CPLX1: variants seen among roughly 807,000 people sequenced by gnomAD.
CPLX1 encodes the protein complexin-1.
Under a neutral mutation model 15.6 loss-of-function variants are expected in CPLX1, and 6 were observed. That is an observed-to-expected ratio of 0.39 (90% CI 0.21 to 0.76). CPLX1 has a LOEUF of 0.76. Ranked by LOEUF, CPLX1 falls within the 30% of genes least tolerant of loss-of-function variation. CPLX1 has a pLI of 0.43. For missense variants in CPLX1, 242 were observed against 188.6 expected, an observed-to-expected ratio of 1.28 and a Z score of -1.66; for synonymous variants, 91 against 75.2, an observed-to-expected ratio of 1.21 and a Z score of -1.08.
Position 792,517 on chromosome 4 carries a change from C to T in CPLX1, c.123G>A (p.Leu41=), listed in dbSNP as rs1433477395. 2 of 1,613,150 alleles carry T rather than the reference C, an allele frequency of 1.2e-6. No homozygotes were observed. The highest frequency in any genetic ancestry group is 1.3e-5 in the African/African-American group (1 of 74,936). ...AKKEEERQEA[L]RQAEEERKAK... The stretch of plus-strand genomic sequence containing the variant: ...CCTTGCGCTCCTCCTCCGCCTGGCG[C>T]AGCGCCTCCTGCCGCTCCTCCTCCT... The change falls in exon 3 of 4, where the codon CTG becomes CTA. Residue 41 remains leucine (L), a synonymous_variant. Transcript: ENST00000304062.
intron 1 of CPLX1, 96 bp from the exon 2 acceptor site, chr4:824,697 C>T: frequency 1.3e-6 from 1 of 744,730 alleles, no homozygotes; most frequent in Non-Finnish European, 2.4e-6. Context: ...ACCTTGTGGG[C>T]TGGACCCTCC....
intron 1 of CPLX1, among the ~76,000 whole-genome samples, chr4:825,296 T>G (rs1324002369): frequency 1.3e-5 from 2 of 152,050 alleles, no homozygotes; most frequent in African/African-American, 4.8e-5. Context: ...GCCCCCCGGT[T>G]TTGCGGGGTC....
intron 3 of CPLX1, among the ~76,000 whole-genome samples, chr4:791,864 G>T (rs758642256): frequency 9.3e-4 from 142 of 152,300 alleles, no homozygotes; most frequent in Non-Finnish European, 1.6e-3. Context: ...GTGCCCACCC[G>T]GCTTCCAGCC....
intron 2 of CPLX1, among the ~76,000 whole-genome samples, chr4:799,638 G>A (rs1369158289): frequency 2.0e-5 from 3 of 152,096 alleles, no homozygotes; most frequent in African/African-American, 4.8e-5. Flanking sequence ...CGAGATGGGC[G>A]GATCACCTGA....
intron 2 of CPLX1, among the ~76,000 whole-genome samples, chr4:821,972 C>T (rs140734551): frequency 0.011 from 1,647 of 152,344 alleles, 30 homozygotes; most frequent in Non-Finnish European, 0.014. Flanking sequence ...CCTCTTCCTC[C>T]TCTCTGCTGC....
intron 3 of CPLX1, among the ~76,000 whole-genome samples, chr4:789,616 C>A (rs1257068123): frequency 1.3e-5 from 2 of 152,176 alleles, no homozygotes; most frequent in Non-Finnish European, 2.9e-5. Flanking sequence ...GAAGCTTATG[C>A]AGGACAAGGG....
chr4:813,149 C>G (rs1323397853), intron 2 of CPLX1, among the ~76,000 whole-genome samples: 1 of 151,702 alleles, frequency 6.6e-6, no homozygotes, highest in African/African-American at 2.4e-5. Flanking sequence ...CCTGTAGTCC[C>G]AGCTACTTGG....
chr4:786,684 C>G lies in CPLX1; in HGVS notation c.222G>C (p.Lys74Asn). 1 of 1,608,192 alleles carries G rather than the reference C, an allele frequency of 6.2e-7. No individual in the cohort carries two copies. Among genetic ancestry groups the G allele is most frequent in the Non-Finnish European group, 8.5e-7 (1 of 1,177,120 alleles). The part of the protein sequence containing the change: ...QGIRDKYGIK[K>N]KEEREAEAQA... Reference sequence around the variant, plus strand: ...GGGCCTCGGCCTCGCGCTCCTCCTTCTTCTTGATGCCGTACTGCGGGGGAG... The same window carrying G: ...GGGCCTCGGCCTCGCGCTCCTCCTTGTTCTTGATGCCGTACTGCGGGGGAG... The change falls in exon 4 of 4, where the codon AAG becomes AAC. Residue 74 changes from lysine (K) to asparagine (N), a missense_variant. Coordinates refer to ENST00000304062, the MANE Select transcript of CPLX1 (RefSeq NM_006651.4).
chr4:792,531 G>C lies in CPLX1; in HGVS notation c.109C>G (p.Arg37Gly). Residue 37 changes from arginine to glycine, a missense_variant, in exon 3 of 4, where the codon CGG (arginine) becomes GGG (glycine). Arg to Gly is a moderately radical substitution (Grantham distance 125). Transcript: ENST00000304062. ...TCCGCCTGGCGCAGCGCCTCCTGCC[G>C]CTCCTCCTCCTTCTTGGCGGCGTCT... ...DPDAAKKEEERQEALRQAEEE... is the reference protein window; with the variant it reads ...DPDAAKKEEEGQEALRQAEEE... 1 of 1,613,370 alleles carries C rather than the reference G, an allele frequency of 6.2e-7. No homozygotes were observed. Among genetic ancestry groups the C allele is most frequent in the Non-Finnish European group, 8.5e-7 (1 of 1,179,716 alleles).
intron 2 of CPLX1, among the ~76,000 whole-genome samples, chr4:812,684 G>A (rs1746685508): frequency 2.0e-5 from 3 of 152,072 alleles, no homozygotes; most frequent in Non-Finnish European, 4.4e-5. Flanking sequence ...TATACTTAGG[G>A]GCCAGGCACG....
chr4:795,661 C>A (rs1746312345), intron 2 of CPLX1, among the ~76,000 whole-genome samples: 5 of 152,222 alleles, frequency 3.3e-5, no homozygotes, highest in South Asian at 4.1e-4. Context: ...GGGGGCGCAC[C>A]GGGCACGACC....
intron 2 of CPLX1, among the ~76,000 whole-genome samples, chr4:810,355 C>G (rs549006555): frequency 1.2e-4 from 18 of 152,274 alleles, no homozygotes; most frequent in African/African-American, 3.8e-4. Context: ...GGCCTTGGGT[C>G]TGCGCTTTCA....
intron 2 of CPLX1, among the ~76,000 whole-genome samples, chr4:802,950 C>CAAAA (rs34752621): frequency 1.0e-5 from 1 of 99,032 alleles, no homozygotes; most frequent in African/African-American, 3.1e-5. Context: ...GACTCTGTCT[C>CAAAA]AAAAAAAAAA....
intron 2 of CPLX1, among the ~76,000 whole-genome samples, chr4:809,029 G>C (rs1746609416): frequency 6.6e-6 from 1 of 152,270 alleles, no homozygotes; most frequent in South Asian, 2.1e-4. Flanking sequence ...CGGCAGGCCG[G>C]GCTCCAGCGA....
At chr4:825,874 G>T (rs865815029) in intron 1 of CPLX1, among the ~76,000 whole-genome samples, 172 bp downstream of exon 1, 9 of 65,752 alleles carry the variant, frequency 1.4e-4, no homozygotes, top group African/African-American at 5.3e-4. Context: ...CGGAGGCCGG[G>T]GGGAGGAGCT....
In CPLX1 at chr4:795,815, G is replaced by GA. The variant is rs1746321052; in HGVS notation, c.32-3208_32-3207insT. On this transcript the variant is annotated intron_variant, in intron 2 of 3. Coordinates refer to ENST00000304062, the MANE Select transcript of CPLX1 (RefSeq NM_006651.4). Reference sequence around the variant, plus strand: ...CGGGTGGAGAGGGGGTGGGGGGGGGGTGCAGATCGCGGCGCCTCCCTGCCC... The same window carrying GA: ...CGGGTGGAGAGGGGGTGGGGGGGGGGATGCAGATCGCGGCGCCTCCCTGCCC... Among the ~76,000 whole-genome samples the GA allele has an allele frequency of 4.0e-5, 6 of 150,006 alleles. No homozygotes were observed. In the South Asian group the frequency reaches 1.3e-3, roughly 32 times the overall value.
chr4:795,598 C>G (rs1746309789), intron 2 of CPLX1, among the ~76,000 whole-genome samples: 1 of 152,208 alleles, frequency 6.6e-6, no homozygotes, highest in African/African-American at 2.4e-5. Context: ...CGACCCCACC[C>G]CTACCTCGTT....
Position 795,809 on chromosome 4 carries a change from G to A in CPLX1, c.32-3201C>T, listed in dbSNP as rs568747465. On this transcript the variant is annotated intron_variant, in intron 2 of 3. Transcript: ENST00000304062. The stretch of plus-strand genomic sequence containing the variant: ...CCAAACCGGGTGGAGAGGGGGTGGG[G>A]GGGGGGTGCAGATCGCGGCGCCTCC... Among the ~76,000 whole-genome samples the A allele has an allele frequency of 5.8e-3, 888 of 152,088 alleles. 7 individuals carry two copies. The highest frequency in any genetic ancestry group is 0.017 in the Middle Eastern group (5 of 294).
chr4:809,086 G>A (rs915961756), intron 2 of CPLX1, among the ~76,000 whole-genome samples: 4 of 152,250 alleles, frequency 2.6e-5, no homozygotes, highest in Non-Finnish European at 5.9e-5. Context: ...AGAGTCTGGC[G>A]TTCCATGGGA....
Sources: allele counts gnomAD v4.1 joint callset (sites outside exome capture counted in the v4.1 genomes callset), GRCh38; gene constraint gnomAD v4.1.1; transcripts MANE v1.5; gene names NCBI Gene and HGNC (gene_info 2026-07-23, HGNC 2026-07-21).